The following SOX6 variants were observed in gnomAD, a reference collection of about 807,000 sequenced individuals.
SOX6 encodes transcription factor SOX-6.
SOX6 carries 11 observed loss-of-function variants against 97.8 expected under a neutral mutation model. The ratio of observed to expected loss-of-function variants is 0.11; its 90% confidence interval spans 0.07 to 0.19. The LOEUF (loss-of-function observed/expected upper bound fraction) is 0.19, where lower values mean the gene tolerates loss of function less well. Ranked by LOEUF, SOX6 falls within the 10% of genes least tolerant of loss-of-function variation. The pLI, the probability that SOX6 is intolerant of heterozygous loss-of-function variation, is 1.00. For synonymous variants in SOX6, 360 were observed against 371.4 expected, an observed-to-expected ratio of 0.97 and a Z score of 0.35; for missense variants, 810 against 1,039.5, an observed-to-expected ratio of 0.78 and a Z score of 3.04.
At chr11:16,406,601 T>C (rs553098558) in intron 1 of SOX6, among the ~76,000 whole-genome samples, 2 of 152,104 alleles carry the variant, frequency 1.3e-5, no homozygotes, top group African/African-American at 4.8e-5. Context: ...CTGTGTCACA[T>C]AAGCTAACAT....
At chr11:16,190,390 C>A (rs1195148537) in intron 4 of SOX6, among the ~76,000 whole-genome samples, 2 of 151,994 alleles carry the variant, frequency 1.3e-5, no homozygotes, top group East Asian at 3.9e-4. Flanking sequence ...CAGCCAATCT[C>A]GAACTGAAAA....
Position 16,171,844 on chromosome 11 carries a change from A to C in SOX6, c.777+12042T>G, listed in dbSNP as rs1447909497. On this transcript the variant is annotated intron_variant, in intron 6 of 15. Transcript: ENST00000683767. ...AAATCAGAAAACCGTATTAAGCTCT[A>C]CCACACATCAGAAATGAAATTCTCT... Among the ~76,000 whole-genome samples, 3 of 151,894 alleles carry C rather than the reference A, an allele frequency of 2.0e-5. No homozygotes were observed. In the East Asian group the frequency reaches 5.8e-4, roughly 29 times the overall value.
Position 16,096,099 on chromosome 11 carries a change from GGGT to G in SOX6, c.995_997del (p.His332del). On this transcript the variant is annotated inframe_deletion, in exon 9 of 16. Transcript: ENST00000683767. The stretch of plus-strand genomic sequence containing the variant: ...GCCCTTTAGCCTTTGGTTAATTTGT[GGGT>G]GGGAGACATGACCCTTCTGTTTAGT... 6.2e-7 allele frequency: 1 copy of G among 1,610,870 alleles called. No homozygotes were observed. Among genetic ancestry groups the G allele is most frequent in the Non-Finnish European group, 8.5e-7 (1 of 1,178,320 alleles).
At chr11:16,720,989 C>T (rs1848257010) in intron 2 of SOX6, among the ~76,000 whole-genome samples, 1 of 152,128 alleles carries the variant, frequency 6.6e-6, no homozygotes, top group Non-Finnish European at 1.5e-5. Context: ...AGGAGACCCC[C>T]AACTCAAAGG....
intron 1 of SOX6, among the ~76,000 whole-genome samples, chr11:16,439,489 T>A (rs1354067228): frequency 6.6e-6 from 1 of 152,174 alleles, no homozygotes; most frequent in African/African-American, 2.4e-5. Context: ...AGTTTCACAA[T>A]AAAGATTATG....
chr11:16,347,496 C>T (rs1333473682), intron 1 of SOX6, among the ~76,000 whole-genome samples: 1 of 152,094 alleles, frequency 6.6e-6, no homozygotes, highest in East Asian at 1.9e-4. Context: ...CGAAAGACCT[C>T]TGTGTGGCTG....
At chr11:16,475,043 T>C (rs1366776296) in intron 1 of SOX6, among the ~76,000 whole-genome samples, 1 of 152,202 alleles carries the variant, frequency 6.6e-6, no homozygotes, top group African/African-American at 2.4e-5. Flanking sequence ...AACCAATCTC[T>C]GCTAGCTTCA....
intron 9 of SOX6, among the ~76,000 whole-genome samples, chr11:16,065,563 A>G (rs372753324): frequency 2.0e-5 from 3 of 152,252 alleles, no homozygotes; most frequent in African/African-American, 7.2e-5. Flanking sequence ...AAACAGGCAC[A>G]TAGGCCAATG....
At chr11:16,623,628 T>A (rs1434945876) in intron 3 of SOX6, among the ~76,000 whole-genome samples, 1 of 152,224 alleles carries the variant, frequency 6.6e-6, no homozygotes, top group Admixed American at 6.5e-5. Context: ...GGTCATGAAC[T>A]CTTTACATAA....
intron 3 of SOX6, among the ~76,000 whole-genome samples, chr11:16,647,639 G>A (rs1364836658): frequency 6.6e-6 from 1 of 152,162 alleles, no homozygotes; most frequent in African/African-American, 2.4e-5. Flanking sequence ...TGAAAGAAGT[G>A]ACATGCTGCT....
At chr11:16,544,677 G>T (rs1847595284) in intron 4 of SOX6, among the ~76,000 whole-genome samples, 1 of 152,100 alleles carries the variant, frequency 6.6e-6, no homozygotes, top group African/African-American at 2.4e-5. Flanking sequence ...ATTTTCTAAA[G>T]TGGTGAGTTT....
chr11:16,116,860 G>A (rs961855151), intron 6 of SOX6, among the ~76,000 whole-genome samples: 1 of 152,142 alleles, frequency 6.6e-6, no homozygotes, highest in African/African-American at 2.4e-5. Context: ...ATTGTGAACT[G>A]TGTATGCGAG....
chr11:16,446,808 G>A (rs1368368096), intron 1 of SOX6, among the ~76,000 whole-genome samples: 2 of 151,198 alleles, frequency 1.3e-5, no homozygotes, highest in East Asian at 3.9e-4. Context: ...GACATACAAG[G>A]TTTAATTATT....
intron 4 of SOX6, among the ~76,000 whole-genome samples, chr11:16,196,277 A>G (rs183510203): frequency 1.3e-5 from 2 of 152,342 alleles, no homozygotes; most frequent in Admixed American, 6.5e-5. Flanking sequence ...ATCCTTAGCT[A>G]TTAAATCATA....
chr11:16,374,508 A>G (rs980687055), intron 1 of SOX6, among the ~76,000 whole-genome samples: 16 of 152,076 alleles, frequency 1.1e-4, no homozygotes, highest in African/African-American at 3.9e-4. Context: ...CAAATATCAC[A>G]CGTGGAATAC....
Position 15,985,612 on chromosome 11 carries a change from A to C in SOX6, c.2183+592T>G, listed in dbSNP as rs552666019. Among the ~76,000 whole-genome samples the C allele has an allele frequency of 5.3e-5, 8 of 152,368 alleles. No individual in the cohort carries two copies. The East Asian group carries it at 1.5e-3, about 29-fold the overall frequency. On this transcript the variant is annotated intron_variant, in intron 15 of 15. Transcript: ENST00000683767. The stretch of plus-strand genomic sequence containing the variant: ...GAAATCTATTACCTAATTTTTAAAC[A>C]AAATGACATGAAATCAGACTTGAAG...
chr11:16,310,899 C>T (rs1027818206), intron 3 of SOX6, among the ~76,000 whole-genome samples: 2 of 151,870 alleles, frequency 1.3e-5, no homozygotes, highest in African/African-American at 4.8e-5. Context: ...GATGTTCTCA[C>T]AGGGTGTGAA....
chr11:16,427,347 T>C (rs890238997), intron 1 of SOX6, among the ~76,000 whole-genome samples: 7 of 150,754 alleles, frequency 4.6e-5, no homozygotes, highest in Non-Finnish European at 1.0e-4. Flanking sequence ...TTTTTAATTA[T>C]ACTTTAAGTT....
chr11:15,991,800 C>T (rs904391773), intron 13 of SOX6, among the ~76,000 whole-genome samples: 5 of 152,192 alleles, frequency 3.3e-5, no homozygotes, highest in Non-Finnish European at 7.3e-5. Context: ...TATAAACATT[C>T]TAGATTCTCT....
Sources: gnomAD v4.1 joint callset for allele counts (sites outside exome capture counted in the v4.1 genomes callset) on GRCh38, gnomAD v4.1.1 for gene constraint, MANE v1.5 for transcripts, NCBI Gene and HGNC (gene_info 2026-07-23, HGNC 2026-07-21) for gene names.